The following KDM7A variants were observed in gnomAD, a reference collection of about 807,000 sequenced individuals.
KDM7A encodes lysine-specific demethylase 7A.
KDM7A carries 28 observed loss-of-function variants against 114.8 expected under a neutral mutation model. The ratio of observed to expected loss-of-function variants is 0.24; its 90% CI spans 0.18 to 0.33. The LOEUF is 0.33. Among genes scored for constraint, KDM7A ranks in the 10% least tolerant of loss-of-function variants. The pLI is 1.00. For missense variants in KDM7A, 942 were observed against 1,142.5 expected (o/e 0.82, Z 2.53); for synonymous variants, 423 against 397.8 (o/e 1.06, Z -0.75).
chr7:140,124,557 A>T (rs2116797756), intron 7 of KDM7A, 64 bp downstream of exon 7: 1 of 1,200,984 alleles, frequency 8.3e-7, no homozygotes, highest in Non-Finnish European at 1.2e-6. Context: ...CAGAGGTTCT[A>T]GTTAAAAGCC....
At chr7:140,133,123 G>A (rs554665650) in intron 3 of KDM7A, among the ~76,000 whole-genome samples, 2 of 152,316 alleles carry the variant, frequency 1.3e-5, no homozygotes, top group Non-Finnish European at 2.9e-5. Flanking sequence ...GGGCAGAGAT[G>A]CATATAAAAG....
intron 17 of KDM7A, chr7:140,095,621 T>A: frequency 3.5e-6 from 1 of 285,050 alleles, no homozygotes; most frequent in Non-Finnish European, 7.0e-6. Flanking sequence ...CTCACACCTG[T>A]AATCTCAGCA....
chr7:140,093,560 G>C (rs1403476759), intron 18 of KDM7A, among the ~76,000 whole-genome samples: 1 of 152,148 alleles, frequency 6.6e-6, no homozygotes, highest in Non-Finnish European at 1.5e-5. Flanking sequence ...CTCTTGTTTG[G>C]TGCTGCTGAT....
rs563688742 is a variant in KDM7A, at chr7:140,093,487, A to G, written c.2457+569T>C. Among the ~76,000 whole-genome samples, 4 of 152,326 alleles carry G rather than the reference A, an allele frequency of 2.6e-5. No individual in the cohort carries two copies. In the South Asian group the frequency reaches 8.3e-4, roughly 32 times the overall value. ...GTTTGGGGCCCCACAGTGCCACATG[A>G]GAACTTTGATTCTTTCTTTGGCTGC... On this transcript the variant is annotated intron_variant, in intron 18 of 19. Transcript: ENST00000397560.
chr7:140,099,087 C>A (rs1006283138), intron 13 of KDM7A, 54 bp from the exon 14 acceptor site: 6 of 1,317,770 alleles, frequency 4.6e-6, no homozygotes, highest in South Asian at 2.5e-5. Context: ...TGTAGCCAAA[C>A]AGTATTTATT....
At chr7:140,135,494 C>T (rs529596812) in intron 2 of KDM7A, among the ~76,000 whole-genome samples, 22 of 152,272 alleles carry the variant, frequency 1.4e-4, no homozygotes, top group Admixed American at 2.0e-4. Context: ...AGCCACTGCG[C>T]CCAGCCCATA....
intron 1 of KDM7A, among the ~76,000 whole-genome samples, chr7:140,159,998 CAA>C (rs1332733988): frequency 6.8e-6 from 1 of 146,626 alleles, no homozygotes; most frequent in East Asian, 2.0e-4. Flanking sequence ...ACTAGCCTAT[CAA>C]TCATCATTAC....
chr7:140,111,980 A>G (rs1348449782), intron 10 of KDM7A, among the ~76,000 whole-genome samples: 1 of 151,970 alleles, frequency 6.6e-6, no homozygotes, highest in East Asian at 1.9e-4. Context: ...GAATTCTGAT[A>G]AAGTCACAAA....
chr7:140,171,927 A>G (rs977240682), intron 1 of KDM7A, among the ~76,000 whole-genome samples: 2 of 152,070 alleles, frequency 1.3e-5, no homozygotes, highest in Admixed American at 6.5e-5. Context: ...TGTTGATGAC[A>G]TTTAGGTTGT....
intron 1 of KDM7A, among the ~76,000 whole-genome samples, chr7:140,151,601 C>T (rs1396048212): frequency 1.3e-5 from 2 of 152,104 alleles, no homozygotes; most frequent in Non-Finnish European, 2.9e-5. Context: ...ACACAGTATT[C>T]CTGATTATTT....
At chr7:140,091,695 T>C (rs1818023252) in intron 19 of KDM7A, 109 bp downstream of exon 19, 1 of 1,183,222 alleles carries the variant, frequency 8.5e-7, no homozygotes, top group East Asian at 2.3e-5. Context: ...TGCTGTCTAC[T>C]ATGCATGAGA....
chr7:140,091,735 C>T, intron 19 of KDM7A, 69 bp downstream of exon 19: 7 of 1,535,912 alleles, frequency 4.6e-6, no homozygotes, highest in Non-Finnish European at 5.4e-6. Context: ...AGAGACTACA[C>T]CTCAACTGCC....
chr7:140,136,832 CA>C (rs1818878566), intron 2 of KDM7A, among the ~76,000 whole-genome samples: 1 of 151,964 alleles, frequency 6.6e-6, no homozygotes, highest in Non-Finnish European at 1.5e-5. Context: ...ACTGAAAATA[CA>C]AAAATTAGCC....
At chr7:140,127,377 T>C (rs928957468) in intron 5 of KDM7A, 65 bp downstream of exon 5, 8 of 1,343,234 alleles carry the variant, frequency 6.0e-6, no homozygotes, top group Non-Finnish European at 8.3e-6. Flanking sequence ...CTAAAATAAA[T>C]ACATCATTAC....
chr7:140,114,303 G>T (rs1431273194), intron 9 of KDM7A, among the ~76,000 whole-genome samples: 1 of 151,746 alleles, frequency 6.6e-6, no homozygotes, highest in East Asian at 1.9e-4. Context: ...GAGTGCCTGG[G>T]ATTGCAGGCG....
In KDM7A at chr7:140,090,359, A is replaced by T. The variant is rs1006482791; in HGVS notation, c.*735T>A. On this transcript the variant is annotated 3_prime_UTR_variant, in exon 20 of 20. Coordinates refer to ENST00000397560, the MANE Select transcript of KDM7A (RefSeq NM_030647.2). ...GCAAAGAGAAGAGTCTTACTGGGTC[A>T]TCACAAAATGATGGGGAGTGCAGAG... The T allele has an allele frequency of 5.3e-5, 8 of 152,224 alleles. No homozygotes were observed. Among genetic ancestry groups the T allele is most frequent in the African/African-American group, 1.4e-4 (6 of 41,456 alleles). The allele number at this position is 152,224 out of a possible 1,614,324, so 9.4% of individuals were successfully genotyped here.
chr7:140,159,741 A>G (rs1334365011), intron 1 of KDM7A, among the ~76,000 whole-genome samples: 1 of 152,078 alleles, frequency 6.6e-6, no homozygotes. Context: ...AATCAAGAGG[A>G]CCTCAGGACC....
At chr7:140,170,852 C>T (rs1208314961) in intron 1 of KDM7A, among the ~76,000 whole-genome samples, 2 of 152,194 alleles carry the variant, frequency 1.3e-5, no homozygotes, top group Non-Finnish European at 1.5e-5. Context: ...CCAAAGTCAA[C>T]ATCATACTCA....
intron 1 of KDM7A, among the ~76,000 whole-genome samples, chr7:140,151,977 A>G (rs1794405331): frequency 6.6e-6 from 1 of 152,240 alleles, no homozygotes; most frequent in African/African-American, 2.4e-5. Context: ...ACATATATCT[A>G]GGACACTTAG....
Sources: gnomAD v4.1 joint callset for allele counts (sites outside exome capture counted in the v4.1 genomes callset) on GRCh38, gnomAD v4.1.1 for gene constraint, MANE v1.5 for transcripts, NCBI Gene and HGNC (gene_info 2026-07-23, HGNC 2026-07-21) for gene names.